TRAF3IP1: variants seen among roughly 807,000 people sequenced by gnomAD.
TRAF3IP1 encodes the protein intraflagellar transport 54.
TRAF3IP1 carries 53 observed loss-of-function variants against 89.9 expected under a neutral mutation model. That is an observed-to-expected ratio of 0.59 (90% CI 0.47 to 0.74). The LOEUF (loss-of-function observed/expected upper bound fraction) is 0.74, where lower values mean the gene tolerates loss of function less well. Among genes scored for constraint, TRAF3IP1 ranks in the 30% least tolerant of loss-of-function variants. The pLI, the probability that TRAF3IP1 is intolerant of heterozygous loss-of-function variation, is 0.00. For missense variants in TRAF3IP1, 806 were observed against 866.1 expected (o/e 0.93, Z 0.87); for synonymous variants, 311 against 322.1 (o/e 0.97, Z 0.37).
At position 238,347,483 on chromosome 2, in the gene TRAF3IP1, A is replaced by G. The variant is rs201037417; in HGVS notation, c.1282+8A>G. On this transcript the variant is annotated splice_region_variant and intron_variant, in intron 10 of 16. Coordinates refer to ENST00000373327, the MANE Select transcript of TRAF3IP1 (RefSeq NM_015650.4). ...ACTCCACCAGTGATGCAGGTGAGGA[A>G]TGGCCTTAGATACCTGTGTGTCATA... The G allele has an allele frequency of 6.2e-7, 1 of 1,614,036 alleles. No individual in the cohort carries two copies. The highest frequency in any genetic ancestry group is 1.7e-5 in the Admixed American group (1 of 60,014).
chr2:238,370,781 C>A (rs565227296), intron 15 of TRAF3IP1, among the ~76,000 whole-genome samples: 8 of 152,288 alleles, frequency 5.3e-5, no homozygotes, highest in African/African-American at 1.9e-4. Context: ...AGATGAATTT[C>A]ATCGCCAGTT....
chr2:238,346,503 G>A (rs1363918745), intron 9 of TRAF3IP1, among the ~76,000 whole-genome samples: 1 of 152,134 alleles, frequency 6.6e-6, no homozygotes, highest in African/African-American at 2.4e-5. Flanking sequence ...CTCTCTCCCT[G>A]CCAGAGCCAC....
At chr2:238,322,146 C>A (rs1266818089) in intron 1 of TRAF3IP1, among the ~76,000 whole-genome samples, 2 of 152,236 alleles carry the variant, frequency 1.3e-5, no homozygotes, top group Non-Finnish European at 2.9e-5. Context: ...TCACCACCGT[C>A]CCGTGAAGTA....
chr2:238,349,693 A>C (rs1699059354), intron 12 of TRAF3IP1, among the ~76,000 whole-genome samples: 1 of 152,248 alleles, frequency 6.6e-6, no homozygotes, highest in Non-Finnish European at 1.5e-5. Context: ...CTAAGCGTGA[A>C]AACAATAGGG....
At chr2:238,383,419 G>T (rs1364647312) in intron 15 of TRAF3IP1, among the ~76,000 whole-genome samples, 3 of 152,156 alleles carry the variant, frequency 2.0e-5, no homozygotes, top group African/African-American at 7.2e-5. Context: ...ACCTATTAAT[G>T]AACAATCTGC....
intron 9 of TRAF3IP1, 41 bp downstream of exon 9, chr2:238,344,639 A>G: frequency 1.9e-6 from 3 of 1,563,240 alleles, no homozygotes; most frequent in Non-Finnish European, 2.6e-6. Context: ...GCGAGAGCAG[A>G]GTGAGCCCTC....
intron 2 of TRAF3IP1, 56 bp from the exon 3 acceptor site, chr2:238,325,750 AGAT>A (rs1697794074): frequency 1.3e-6 from 2 of 1,503,042 alleles, no homozygotes; most frequent in Non-Finnish European, 1.8e-6. Context: ...AACATACAGA[AGAT>A]AATGCACACT....
chr2:238,384,346 ATG>A (rs1700669789), intron 15 of TRAF3IP1, among the ~76,000 whole-genome samples: 1 of 122,638 alleles, frequency 8.2e-6, no homozygotes, highest in African/African-American at 3.1e-5. Context: ...TGATGTATGT[ATG>A]TATGTATGTA....
rs776252457 is a variant in TRAF3IP1 at position 238,344,656 on chromosome 2, C to T, written c.1261+58C>T. 6.0e-6 allele frequency: 9 copies of T among 1,491,458 alleles called. No homozygotes were observed. In the South Asian group the frequency reaches 1.0e-4, roughly 17 times the overall value. 92.4% of individuals were successfully genotyped at this position (1,491,458 alleles called of 1,614,324 possible). A position where few individuals can be genotyped will look rare whatever the true frequency, so the allele number is the denominator to read the frequency against. On this transcript the variant is annotated intron_variant, in intron 9 of 16. Coordinates refer to ENST00000373327, the MANE Select transcript of TRAF3IP1 (RefSeq NM_015650.4). ...GAGAGCAGAGTGAGCCCTCCAGAAC[C>T]TTCTTCTCAAAGGGCCGCAGCCCAG...
chr2:238,334,308 A>G (rs1282608316), intron 7 of TRAF3IP1, among the ~76,000 whole-genome samples: 2 of 152,178 alleles, frequency 1.3e-5, no homozygotes, highest in African/African-American at 4.8e-5. Context: ...TCAAATTTTC[A>G]TTTTCCAGAA....
intron 9 of TRAF3IP1, among the ~76,000 whole-genome samples, chr2:238,346,085 C>G (rs372743919): frequency 6.6e-6 from 1 of 152,164 alleles, no homozygotes. Context: ...AAGAAAGAGC[C>G]GGGGATTTGA....
chr2:238,333,497 G>A (rs1698229296), intron 6 of TRAF3IP1, among the ~76,000 whole-genome samples: 1 of 152,226 alleles, frequency 6.6e-6, no homozygotes, highest in African/African-American at 2.4e-5. Context: ...TGGGAGGCCA[G>A]TTAGGGGAGA....
At chr2:238,380,109 C>T (rs971679446) in intron 15 of TRAF3IP1, among the ~76,000 whole-genome samples, 3 of 152,304 alleles carry the variant, frequency 2.0e-5, no homozygotes, top group South Asian at 4.1e-4. Context: ...GAGACGTCTA[C>T]GTATTAGAAC....
intron 15 of TRAF3IP1, among the ~76,000 whole-genome samples, chr2:238,371,135 G>A (rs1700095027): frequency 6.6e-6 from 1 of 152,206 alleles, no homozygotes; most frequent in Non-Finnish European, 1.5e-5. Context: ...TTGAAAGTCT[G>A]TTTTTTAGAG....
chr2:238,338,292 TCCCAGCTAAAA>T, intron 7 of TRAF3IP1, 59 bp from the exon 8 acceptor site: 1 of 951,402 alleles, frequency 1.1e-6, no homozygotes, highest in Non-Finnish European at 1.6e-6. Flanking sequence ...CCCTTATAAA[TCCCAGCTAAAA>T]CAACCAAACA....
intron 15 of TRAF3IP1, among the ~76,000 whole-genome samples, chr2:238,389,747 CAAATAAT>C (rs1178912119): frequency 9.0e-6 from 1 of 111,410 alleles, no homozygotes; most frequent in Non-Finnish European, 1.8e-5. Flanking sequence ...GACTCCATCT[CAAATAAT>C]AATAATAATA....
intron 15 of TRAF3IP1, among the ~76,000 whole-genome samples, chr2:238,390,756 T>C (rs900841508): frequency 2.0e-5 from 3 of 152,130 alleles, no homozygotes; most frequent in African/African-American, 7.2e-5. Flanking sequence ...ATATTATTAT[T>C]TCCATTTTCT....
At chr2:238,335,323 C>T (rs1698331069) in intron 7 of TRAF3IP1, among the ~76,000 whole-genome samples, 1 of 152,058 alleles carries the variant, frequency 6.6e-6, no homozygotes, top group Non-Finnish European at 1.5e-5. Context: ...AGGTGAGGCT[C>T]TGAATCTATT....
At position 238,354,378 on chromosome 2, in the gene TRAF3IP1, T is replaced by C. The variant is rs149194382; in HGVS notation, c.1612+1169T>C. Among the ~76,000 whole-genome samples, 134 of 152,336 alleles carry C rather than the reference T, an allele frequency of 8.8e-4. 1 individual carries two copies. In the East Asian group the frequency reaches 0.025, roughly 28 times the overall value. ...TCACTGCAAAAGCAGGGATATACTT[T>C]TTTAAAATAAGAAAGTATATTCTGA... On this transcript the variant is annotated intron_variant, in intron 14 of 16. Transcript: ENST00000373327.
Sources: allele counts gnomAD v4.1 joint callset (sites outside exome capture counted in the v4.1 genomes callset), GRCh38; gene constraint gnomAD v4.1.1; transcripts MANE v1.5; gene names NCBI Gene and HGNC (gene_info 2026-07-23, HGNC 2026-07-21).